ILDR2: variants seen among roughly 807,000 people sequenced by gnomAD.
The protein encoded by ILDR2 is immunoglobulin like domain containing receptor 2.
A neutral mutation model predicts 66.8 loss-of-function variants in ILDR2; 25 were observed. The observed-to-expected ratio is 0.37, with a 90% CI of 0.27 to 0.52. The LOEUF (loss-of-function observed/expected upper bound fraction) is 0.52. ILDR2 is among the 20% of genes least tolerant of loss of function. The pLI is 0.88. For synonymous variants in ILDR2, 367 were observed against 357.2 expected (o/e 1.03, Z -0.31); for missense variants, 827 against 876.8 (o/e 0.94, Z 0.72).
chr1:166,963,843 G>A (rs1662770434), intron 1 of ILDR2, among the ~76,000 whole-genome samples: 1 of 152,104 alleles, frequency 6.6e-6, no homozygotes, highest in African/African-American at 2.4e-5. Flanking sequence ...GAGAAGCACT[G>A]AAAAAGGGTC....
Position 166,921,350 on chromosome 1 carries a change from G to A in ILDR2, c.1241C>T (p.Ser414Leu), listed in dbSNP as rs751939987. 1.3e-6 allele frequency: 2 copies of A among 1,579,662 alleles called. No homozygotes were observed. The highest frequency in any genetic ancestry group is 1.7e-6 in the Non-Finnish European group (2 of 1,158,818). ...CACCCCCGTGGCGAAGTTCTTCCGCGACAGCATCTCCGACTTGGAGCGCGG... is the reference window on the plus strand; with the variant it reads ...CACCCCCGTGGCGAAGTTCTTCCGCAACAGCATCTCCGACTTGGAGCGCGG... The part of the protein sequence containing the change: ...SQPRSKSEML[S>L]RKNFATGVPA... Residue 414 changes from serine (S) to leucine (L), a missense_variant, in exon 9 of 10, where the codon TCG becomes TTG. Physicochemically the swap from Ser to Leu is moderately radical, Grantham distance 145. Transcript: ENST00000271417. This position sits in a 1 kb window ranked among gnomAD's most constrained non-coding sequence, Gnocchi z 5.3.
At chr1:166,920,451 C>T (rs572878980) in intron 9 of ILDR2, among the ~76,000 whole-genome samples, 106 of 152,346 alleles carry the variant, frequency 7.0e-4, no homozygotes, top group African/African-American at 2.5e-3. Context: ...CATATACACG[C>T]CTTCAACTTT....
At chr1:166,966,077 C>A (rs1331037881) in intron 1 of ILDR2, among the ~76,000 whole-genome samples, 1 of 152,046 alleles carries the variant, frequency 6.6e-6, no homozygotes, top group Non-Finnish European at 1.5e-5. Flanking sequence ...CAGCTTGAAT[C>A]TTTTTTTCTT....
Position 166,935,461 on chromosome 1 carries a change from T to G in ILDR2, c.720A>C (p.Lys240Asn), listed in dbSNP as rs749828637. 2 of 1,600,336 alleles carry G rather than the reference T, an allele frequency of 1.2e-6. No individual in the cohort carries two copies. Among genetic ancestry groups the G allele is most frequent in the South Asian group, 1.1e-5 (1 of 88,462 alleles). Residue 240 changes from lysine (K) to asparagine (N), a missense_variant, in exon 6 of 10, where the codon AAA (lysine) becomes AAC (asparagine). Around this residue, in one of 2 missense-constraint regions of ILDR2, gnomAD observed 437 missense variants for 523.2 expected, o/e 0.84. Coordinates refer to ENST00000271417, the MANE Select transcript of ILDR2 (RefSeq NM_199351.3). ...AGGGAGGGTACCCGGCCTTTGCTGC[T>G]TTCCCTGCTTCATACACTGTGGAGG... ...CCPQALYEAG[K>N]AAKAGYPPSV...
At position 166,922,580 on chromosome 1, in the gene ILDR2, TC is replaced by T; in HGVS notation, c.1211+12del. 1 of 1,611,214 alleles carries T rather than the reference TC, an allele frequency of 6.2e-7. No homozygotes were observed. Among genetic ancestry groups the T allele is most frequent in the Non-Finnish European group, 8.5e-7 (1 of 1,178,312 alleles). Reference sequence around the variant, plus strand: ...CCCTCACACCGACCAGACCTGCCCCTCACAGCCATCACCTGTGCCTGAAGCT... The same window carrying T: ...CCCTCACACCGACCAGACCTGCCCCTACAGCCATCACCTGTGCCTGAAGCT... On this transcript the variant is annotated intron_variant, in intron 8 of 9. Coordinates refer to ENST00000271417, the MANE Select transcript of ILDR2 (RefSeq NM_199351.3).
rs1659686203 is a variant in ILDR2, at chr1:166,917,404, A to T, written c.*1951T>A. 6.6e-6 allele frequency: 1 copy of T among 152,258 alleles called. No homozygotes were observed. The highest frequency in any genetic ancestry group is 2.1e-4 in the South Asian group (1 of 4,836). The allele number at this position is 152,258 out of a possible 1,614,324, so 9.4% of individuals were successfully genotyped here. On this transcript the variant is annotated 3_prime_UTR_variant, in exon 10 of 10. Transcript: ENST00000271417. ...ACTAGAGGAATGGTACTTTGAGAAT[A>T]GGGTCTAGCCCCAGTAGGGTGGCTC...
intron 7 of ILDR2, among the ~76,000 whole-genome samples, chr1:166,923,229 A>G (rs1660066923): frequency 6.6e-6 from 1 of 152,246 alleles, no homozygotes; most frequent in Non-Finnish European, 1.5e-5. Flanking sequence ...AAAGAGAGAC[A>G]GAAGCCATAG....
chr1:166,965,864 T>C (rs1160799094), intron 1 of ILDR2, among the ~76,000 whole-genome samples: 4 of 152,120 alleles, frequency 2.6e-5, no homozygotes, highest in Non-Finnish European at 1.5e-5. Flanking sequence ...TTTCCTAAGA[T>C]ACTTTTTAGG....
intron 2 of ILDR2, among the ~76,000 whole-genome samples, chr1:166,900,162 T>C (rs1257269951): frequency 6.6e-6 from 1 of 151,902 alleles, no homozygotes; most frequent in Non-Finnish European, 1.5e-5. Flanking sequence ...GCAGCCTCCT[T>C]CTCTCTATTG....
Position 166,915,581 on chromosome 1 carries a change from G to A in ILDR2, c.*3774C>T, listed in dbSNP as rs936080918. On this transcript the variant is annotated 3_prime_UTR_variant, in exon 10 of 10. Coordinates refer to ENST00000271417, the MANE Select transcript of ILDR2 (RefSeq NM_199351.3). ...AGCAGAAAAGATCCAGAGGTTGGGA[G>A]TCTAAAGACCTAATAGGTTTGTGAC... 6.6e-6 allele frequency: 1 copy of A among 152,164 alleles called. No homozygotes were observed. The highest frequency in any genetic ancestry group is 1.5e-5 in the Non-Finnish European group (1 of 68,022). 9.4% of individuals were successfully genotyped at this position (152,164 alleles called of 1,614,324 possible). A position where few individuals can be genotyped will look rare whatever the true frequency, so the allele number is the denominator to read the frequency against.
chr1:166,947,975 G>A (rs1246514293), intron 3 of ILDR2, among the ~76,000 whole-genome samples: 1 of 152,164 alleles, frequency 6.6e-6, no homozygotes, highest in Non-Finnish European at 1.5e-5. Context: ...GGCCGCGAAC[G>A]ACGTCATTTA....
chr1:166,921,429 C>T lies in ILDR2; in HGVS notation c.1212-50G>A, dbSNP rs1193093591. ...AGACGGCCGGTCCCTCCCTGGAGCT[C>T]CAGGTAGGGCTCCCAAGAGCACCCA... is the stretch of plus-strand genomic sequence containing the variant. On this transcript the variant is annotated intron_variant, in intron 8 of 9. Coordinates refer to ENST00000271417, the MANE Select transcript of ILDR2 (RefSeq NM_199351.3). The surrounding 1 kb of genome is among the most constrained non-coding windows in gnomAD (Gnocchi z 5.3). 3.4e-6 allele frequency: 5 copies of T among 1,452,884 alleles called. No homozygotes were observed. Among genetic ancestry groups the T allele is most frequent in the African/African-American group, 2.8e-5 (2 of 70,710 alleles). 90.0% of individuals were successfully genotyped at this position (1,452,884 alleles called of 1,614,324 possible). A position where few individuals can be genotyped will look rare whatever the true frequency, so the allele number is the denominator to read the frequency against.
chr1:166,957,707 G>C (rs1662365201), intron 2 of ILDR2, 62 bp downstream of exon 2: 1 of 1,383,808 alleles, frequency 7.2e-7, no homozygotes, highest in African/African-American at 1.4e-5. Context: ...TGACATAAGG[G>C]AAGGGAAGAA....
rs1659907887 is a variant in ILDR2, at chr1:166,921,144, G to A, written c.1447C>T (p.Arg483Cys). ...GCATCGGTCAGGGGCTCGCGGCTGC[G>A]GCTGCGCTGACCGTAGTACTCCTCC... is the stretch of plus-strand genomic sequence containing the variant. Reference protein sequence around the residue: ...SLEEYYGQRSRSREPLTDADR... With the variant: ...SLEEYYGQRSCSREPLTDADR... Residue 483 changes from arginine (R) to cysteine (C), a missense_variant, in exon 9 of 10, where the codon CGC (arginine) becomes TGC (cysteine). Physicochemically the swap from Arg to Cys is radical, Grantham distance 180. This residue lies in a region of ILDR2 where 390 missense variants were observed against 353.6 expected (regional missense o/e 1.10). Transcript: ENST00000271417. The surrounding 1 kb of genome is among the most constrained non-coding windows in gnomAD (Gnocchi z 5.3). The A allele has an allele frequency of 2.0e-6, 3 of 1,532,678 alleles. No individual in the cohort carries two copies. The highest frequency in any genetic ancestry group is 2.5e-5 in the East Asian group (1 of 40,672). The allele number at this position is 1,532,678 out of a possible 1,614,324, so 94.9% of individuals were successfully genotyped here.
At chr1:166,970,123 G>A (rs528228152) in intron 1 of ILDR2, among the ~76,000 whole-genome samples, 2 of 152,300 alleles carry the variant, frequency 1.3e-5, no homozygotes, top group South Asian at 2.1e-4. Flanking sequence ...GGACATTCTA[G>A]GACCAGATTG....
chr1:166,967,984 C>T (rs895394987), intron 1 of ILDR2, among the ~76,000 whole-genome samples: 1 of 152,138 alleles, frequency 6.6e-6, no homozygotes, highest in South Asian at 2.1e-4. Flanking sequence ...TCTCGCCATG[C>T]TTTCTGCAAG....
At chr1:166,961,978 A>G (rs1662646687) in intron 1 of ILDR2, among the ~76,000 whole-genome samples, 1 of 152,222 alleles carries the variant, frequency 6.6e-6, no homozygotes, top group Non-Finnish European at 1.5e-5. Flanking sequence ...ATACATGTAC[A>G]GGCACAATGG....
chr1:166,906,819 G>A (rs896864777), downstream of ILDR2, among the ~76,000 whole-genome samples: 9 of 152,180 alleles, frequency 5.9e-5, no homozygotes, highest in African/African-American at 1.7e-4. Context: ...AAGATATGAC[G>A]TGGCTGTATG....
chr1:166,939,681 C>A, intron 3 of ILDR2, 111 bp from the exon 4 acceptor site: 1 of 785,184 alleles, frequency 1.3e-6, no homozygotes. Flanking sequence ...TTAGTGCATG[C>A]TCTTTGTGAT....
Sources: gnomAD v4.1 joint callset for allele counts (sites outside exome capture counted in the v4.1 genomes callset) on GRCh38, gnomAD v4.1.1 for gene constraint, gnomAD v4.1.1 regional missense constraint, Gnocchi (gnomAD v3.1) non-coding constraint, MANE v1.5 for transcripts, NCBI Gene and HGNC (gene_info 2026-07-23, HGNC 2026-07-21) for gene names.